STK32C: variants seen among roughly 807,000 people sequenced by gnomAD.
STK32C encodes the protein serine/threonine kinase 32C, also known as serine/threonine-protein kinase 32C.
Under a neutral mutation model 56.5 loss-of-function variants are expected in STK32C, and 31 were observed. The observed-to-expected ratio is 0.55, with a 90% CI of 0.41 to 0.74. The LOEUF (loss-of-function observed/expected upper bound fraction) is 0.74, where lower values mean the gene tolerates loss of function less well. Ranked by LOEUF, STK32C falls within the 30% of genes least tolerant of loss-of-function variation. The probability of loss-of-function intolerance (pLI) is 0.00; values close to 1 mark genes in which losing one functional copy is unlikely to be tolerated. For missense variants in STK32C, 544 were observed against 676.9 expected (o/e 0.80, Z 2.18); for synonymous variants, 309 against 289.4 (o/e 1.07, Z -0.69).
chr10:132,307,898 G>A lies in STK32C; in HGVS notation c.-65C>T, dbSNP rs917695978. 26 of 1,127,388 alleles carry A rather than the reference G, an allele frequency of 2.3e-5. No homozygotes were observed. In the East Asian group the frequency reaches 5.4e-4, roughly 24 times the overall value. 69.8% of individuals were successfully genotyped at this position (1,127,388 alleles called of 1,614,324 possible). ...ATGGCCGGCCGGCAGGGCCGGGAGC[G>A]GCAGTGGTAGCGGGAGCGCTCGGGG... is the stretch of plus-strand genomic sequence containing the variant. On this transcript the variant is annotated 5_prime_UTR_variant, in exon 1 of 12. Transcript: ENST00000298630. The surrounding 1 kb of genome is among the most constrained non-coding windows in gnomAD (Gnocchi z 4.4).
intron 10 of STK32C, among the ~76,000 whole-genome samples, chr10:132,216,820 G>A (rs1005825351): frequency 6.6e-5 from 10 of 152,232 alleles, no homozygotes; most frequent in Non-Finnish European, 1.0e-4. Context: ...TGAGCCCGCA[G>A]GTGCACAGAA....
chr10:132,271,744 C>T (rs538813675), intron 1 of STK32C, among the ~76,000 whole-genome samples: 58 of 152,326 alleles, frequency 3.8e-4, no homozygotes, highest in East Asian at 1.7e-3. Context: ...ACCCCAGACT[C>T]GCGCCCTCCC....
intron 1 of STK32C, among the ~76,000 whole-genome samples, chr10:132,326,621 C>G (rs1306939234): frequency 1.3e-5 from 2 of 152,242 alleles, no homozygotes; most frequent in African/African-American, 4.8e-5. Flanking sequence ...CCTCGCCCAG[C>G]CAAGATCTCT....
At chr10:132,275,055 G>C (rs994145225) in intron 1 of STK32C, among the ~76,000 whole-genome samples, 7 of 152,166 alleles carry the variant, frequency 4.6e-5, no homozygotes, top group Non-Finnish European at 8.8e-5. Context: ...GGTTCACGGT[G>C]TCCCCCAGGG....
In STK32C at chr10:132,292,690, C is replaced by T. The variant is rs953006200; in HGVS notation, c.262+14882G>A. ...CCCAGGTGCTCTGAGGGGCACCCAA[C>T]GCAAGACCCCCACCCAAAGCAGGCC... On this transcript the variant is annotated intron_variant, in intron 1 of 11. Transcript: ENST00000298630. 5.9e-5 allele frequency among the ~76,000 whole-genome samples: 9 copies of T among 152,182 alleles called. No individual in the cohort carries two copies. In the South Asian group the frequency reaches 8.3e-4, roughly 14 times the overall value.
chr10:132,229,624 C>T (rs1222427513), intron 2 of STK32C, among the ~76,000 whole-genome samples: 2 of 152,210 alleles, frequency 1.3e-5, no homozygotes, highest in African/African-American at 4.8e-5. Flanking sequence ...GATTCTGCCC[C>T]CAGAGGTTCC....
At chr10:132,216,811 G>A (rs2062486296) in intron 10 of STK32C, among the ~76,000 whole-genome samples, 1 of 152,236 alleles carries the variant, frequency 6.6e-6, no homozygotes, top group Admixed American at 6.5e-5. Flanking sequence ...ATGTGGTGTT[G>A]AGCCCGCAGG....
At chr10:132,276,078 C>A (rs1317321566) in intron 1 of STK32C, among the ~76,000 whole-genome samples, 1 of 152,190 alleles carries the variant, frequency 6.6e-6, no homozygotes, top group Non-Finnish European at 1.5e-5. Context: ...TGCGAGGCTT[C>A]CCTCATCATG....
intron 2 of STK32C, among the ~76,000 whole-genome samples, chr10:132,239,554 GC>G (rs2063426742): frequency 6.6e-6 from 1 of 152,246 alleles, no homozygotes; most frequent in Non-Finnish European, 1.5e-5. Flanking sequence ...GGCTCCTGCT[GC>G]CCTGAGCGGG....
chr10:132,261,505 C>T (rs1395652906), intron 1 of STK32C, among the ~76,000 whole-genome samples: 1 of 152,168 alleles, frequency 6.6e-6, no homozygotes, highest in East Asian at 1.9e-4. Flanking sequence ...TGGCTCACAC[C>T]TATAATCCCA....
intron 1 of STK32C, among the ~76,000 whole-genome samples, chr10:132,276,071 G>A (rs1041860891): frequency 2.0e-5 from 3 of 152,120 alleles, no homozygotes; most frequent in African/African-American, 4.8e-5. Context: ...ACCCACATGC[G>A]AGGCTTCCCT....
At chr10:132,233,941 G>T (rs986420329) in intron 2 of STK32C, among the ~76,000 whole-genome samples, 4 of 152,222 alleles carry the variant, frequency 2.6e-5, no homozygotes, top group Non-Finnish European at 5.9e-5. Context: ...AGAGCAGATG[G>T]GCTGGGGCGC....
At chr10:132,237,704 CT>C (rs1315199428) in intron 2 of STK32C, among the ~76,000 whole-genome samples, 3 of 152,174 alleles carry the variant, frequency 2.0e-5, no homozygotes, top group Non-Finnish European at 2.9e-5. Flanking sequence ...AGCTTCACCC[CT>C]CTTCCCCCAA....
At chr10:132,234,473 T>C (rs890277138) in intron 2 of STK32C, among the ~76,000 whole-genome samples, 1 of 152,220 alleles carries the variant, frequency 6.6e-6, no homozygotes, top group Non-Finnish European at 1.5e-5. Flanking sequence ...GAGGTCTCTA[T>C]GAATTCTTGG....
intron 1 of STK32C, among the ~76,000 whole-genome samples, chr10:132,314,213 T>C (rs1287372614): frequency 6.6e-6 from 1 of 152,238 alleles, no homozygotes; most frequent in East Asian, 1.9e-4. Context: ...ATAGCAGAAC[T>C]AATAACACTC....
intron 1 of STK32C, among the ~76,000 whole-genome samples, chr10:132,254,281 C>G (rs899605541): frequency 3.3e-5 from 5 of 150,688 alleles, no homozygotes; most frequent in African/African-American, 1.2e-4. Context: ...TGCACTCCAG[C>G]CTGGGCAAAA....
intron 1 of STK32C, among the ~76,000 whole-genome samples, chr10:132,274,165 C>G (rs564315570): frequency 2.0e-5 from 3 of 152,338 alleles, no homozygotes; most frequent in East Asian, 3.9e-4. Context: ...CGGGACCAGA[C>G]AGCAAGCACC....
At chr10:132,212,248 A>C (rs775280293) in intron 10 of STK32C, among the ~76,000 whole-genome samples, 4 of 152,216 alleles carry the variant, frequency 2.6e-5, no homozygotes, top group Admixed American at 6.5e-5. Context: ...GGCGCAGGGC[A>C]GACGTCTGGA....
intron 1 of STK32C, among the ~76,000 whole-genome samples, chr10:132,272,140 TGTGTGGAGATGA>T (rs1196720567): frequency 1.3e-5 from 2 of 152,176 alleles, no homozygotes; most frequent in Non-Finnish European, 2.9e-5. Flanking sequence ...AGCGTGGCTG[TGTGTGGAGATGA>T]GATCTTCAAA....
Sources: gnomAD v4.1 joint callset for allele counts (sites outside exome capture counted in the v4.1 genomes callset) on GRCh38, gnomAD v4.1.1 for gene constraint, Gnocchi (gnomAD v3.1) non-coding constraint, MANE v1.5 for transcripts, NCBI Gene and HGNC (gene_info 2026-07-23, HGNC 2026-07-21) for gene names.